Variants in POLR3A observed in about 807,000 individuals in gnomAD.
The protein encoded by POLR3A is DNA-directed RNA polymerase III subunit RPC1.
A neutral mutation model predicts 152.8 loss-of-function variants in POLR3A; 112 were observed. The observed-to-expected ratio is 0.73, with a 90% CI of 0.63 to 0.86. The LOEUF is 0.86. Ranked by LOEUF, POLR3A falls within the 40% of genes least tolerant of loss-of-function variation. The pLI is 0.00. For missense variants in POLR3A, 1,385 were observed against 1,743.1 expected, an observed-to-expected ratio of 0.79 and a Z score of 3.66; for synonymous variants, 615 against 652.1, an observed-to-expected ratio of 0.94 and a Z score of 0.87.
chr10:77,982,719 G>A lies in POLR3A; in HGVS notation c.3528C>T (p.Thr1176=), dbSNP rs1290262331. ...AVHGEAVVCV[T]PRENSKSSMY... is the part of the protein sequence containing the mutation. ...TGGAGCTCTTGCTGTTCTCTCTGGG[G>A]GTGACACACACCACAGCCTCACCAT... The change falls in exon 27 of 31, where the codon ACC becomes ACT. Residue 1176 remains threonine (T), a synonymous_variant. Transcript: ENST00000372371. 7 of 1,613,806 alleles carry A rather than the reference G, an allele frequency of 4.3e-6. No individual in the cohort carries two copies. The highest frequency in any genetic ancestry group is 3.3e-5 in the South Asian group (3 of 91,062).
intron 12 of POLR3A, 26 bp downstream of exon 12, chr10:78,010,445 C>T: frequency 1.3e-6 from 2 of 1,554,586 alleles, no homozygotes; most frequent in Non-Finnish European, 1.8e-6. Flanking sequence ...CAGAAATCTC[C>T]TTTCAAGTGA....
chr10:77,993,447 A>G (rs1847269220), intron 19 of POLR3A, 80 bp from the exon 20 acceptor site: 1 of 1,050,020 alleles, frequency 9.5e-7, no homozygotes, highest in Non-Finnish European at 1.5e-6. Flanking sequence ...GCAACTCAAG[A>G]GTCTCAAGGT....
intron 19 of POLR3A, among the ~76,000 whole-genome samples, chr10:77,996,599 A>G (rs1248754487): frequency 6.6e-6 from 1 of 152,066 alleles, no homozygotes; most frequent in African/African-American, 2.4e-5. Flanking sequence ...ACATCCTCCC[A>G]AGACTAAACC....
At chr10:78,009,152 CAAAAAAAAAAAAAA>C (rs59670962) in intron 14 of POLR3A, among the ~76,000 whole-genome samples, 2 of 33,000 alleles carry the variant, frequency 6.1e-5, no homozygotes, top group South Asian at 2.4e-3. Context: ...GACTTAGTCT[CAAAAAAAAAAAAAA>C]AAAAAAAAAA....
rs1222712348 is a variant in POLR3A, at chr10:77,978,442, C to T, written c.4025-816G>A. Among the ~76,000 whole-genome samples the T allele has an allele frequency of 5.9e-5, 9 of 152,126 alleles. No homozygotes were observed. In the East Asian group the frequency reaches 1.7e-3, roughly 29 times the overall value. ...TTGGGGGTGGGGTGGCAGTGCCAGG[C>T]AGTCAAGGAGACTGGTGGTGGAGAA... On this transcript the variant is annotated intron_variant, in intron 30 of 30. Transcript: ENST00000372371.
At chr10:78,019,995 GA>G (rs1244921443) in intron 8 of POLR3A, 1 of 152,000 alleles carries the variant, frequency 6.6e-6, no homozygotes, top group Non-Finnish European at 1.5e-5. Context: ...CCAACGTGGT[GA>G]AACCCCGTCC....
Position 77,977,347 on chromosome 10 carries a change from G to A in POLR3A, c.*131C>T, listed in dbSNP as rs1847098842. 5.5e-6 allele frequency: 5 copies of A among 913,744 alleles called. No homozygotes were observed. The African/African-American group carries it at 6.5e-5, about 12-fold the overall frequency. The allele number at this position is 913,744 out of a possible 1,614,324, so 56.6% of individuals were successfully genotyped here. A position where few individuals can be genotyped will look rare whatever the true frequency, so the allele number is the denominator to read the frequency against. On this transcript the variant is annotated 3_prime_UTR_variant, in exon 31 of 31. Coordinates refer to ENST00000372371, the MANE Select transcript of POLR3A (RefSeq NM_007055.4). ...GAGAAGCTGCTCCTGGGGATGCCAA[G>A]AGGGCTTCTCTGATTGCTGGCATAG...
intron 5 of POLR3A, 27 bp downstream of exon 5, chr10:78,024,500 GAGGCAGGCGGGAGGCAGGCGGA>G: frequency 1.9e-6 from 3 of 1,601,652 alleles, no homozygotes; most frequent in South Asian, 2.2e-5. Context: ...ACGTGCGGAA[GAGGCAGGCGGGAGGCAGGCGGA>G]AGGCAGGCGT....
At position 77,976,559 on chromosome 10, in the gene POLR3A, TG is replaced by T. The variant is rs1450206397; in HGVS notation, c.*918del. 2.0e-5 allele frequency: 3 copies of T among 152,198 alleles called. No individual in the cohort carries two copies. Among genetic ancestry groups the T allele is most frequent in the African/African-American group, 7.2e-5 (3 of 41,432 alleles). 9.4% of individuals were successfully genotyped at this position (152,198 alleles called of 1,614,324 possible). ...ATTCTAACACAGATCCAAGAACCAA[TG>T]GCTACCCCGGGTACCTTAACAGCAT... On this transcript the variant is annotated 3_prime_UTR_variant, in exon 31 of 31. Transcript: ENST00000372371.
chr10:77,977,740 C>A, intron 30 of POLR3A, 114 bp from the exon 31 acceptor site: 1 of 865,872 alleles, frequency 1.2e-6, no homozygotes, highest in Non-Finnish European at 2.0e-6. Flanking sequence ...CAGCGCCACT[C>A]CACATCAACT....
In POLR3A at chr10:78,000,467, C is replaced by T. The variant is rs138061705; in HGVS notation, c.2479-349G>A. Among the ~76,000 whole-genome samples, 788 of 152,320 alleles carry T rather than the reference C, an allele frequency of 5.2e-3. 4 individuals carry two copies. Among genetic ancestry groups the T allele is most frequent in the African/African-American group, 0.018 (750 of 41,574 alleles). Reference sequence around the variant, plus strand: ...TGCCTGCCCATTCCCTGGGAAATGACACCTTCAAGATATCCTTCCTGTGGG... The same window carrying T: ...TGCCTGCCCATTCCCTGGGAAATGATACCTTCAAGATATCCTTCCTGTGGG... On this transcript the variant is annotated intron_variant, in intron 18 of 30. Transcript: ENST00000372371.
At chr10:78,023,886 C>T (rs1049895893) in intron 5 of POLR3A, among the ~76,000 whole-genome samples, 35 of 151,806 alleles carry the variant, frequency 2.3e-4, no homozygotes, top group Non-Finnish European at 4.7e-4. Flanking sequence ...GCCTGTAATC[C>T]CAGCACTTTG....
At chr10:77,979,934 C>A (rs1847124187) in intron 30 of POLR3A, among the ~76,000 whole-genome samples, 1 of 152,184 alleles carries the variant, frequency 6.6e-6, no homozygotes, top group African/African-American at 2.4e-5. Context: ...GGGAAGTCAT[C>A]CAACAGATGT....
Position 77,985,186 on chromosome 10 carries a change from C to T in POLR3A, c.3226G>A (p.Ala1076Thr), listed in dbSNP as rs1423016775. The T allele has an allele frequency of 2.5e-6, 4 of 1,613,988 alleles. No homozygotes were observed. The highest frequency in any genetic ancestry group is 1.1e-5 in the South Asian group (1 of 91,070). The change falls in exon 24 of 31, where the codon GCT (alanine) becomes ACT (threonine). Residue 1076 changes from alanine (A) to threonine (T), a missense_variant. Coordinates refer to ENST00000372371, the MANE Select transcript of POLR3A (RefSeq NM_007055.4). Reference sequence around the variant, plus strand: ...AGCAGGCACCTGATGGCCTTGGAAGCGTTGATGATCTCTTTAATCCGGGGC... The same window carrying T: ...AGCAGGCACCTGATGGCCTTGGAAGTGTTGATGATCTCTTTAATCCGGGGC... ...GVPRIKEIIN[A>T]SKAISTPIIT...
intron 3 of POLR3A, 115 bp from the exon 4 acceptor site, chr10:78,025,257 T>C (rs1034833768): frequency 2.2e-5 from 24 of 1,078,506 alleles, no homozygotes; most frequent in Non-Finnish European, 2.7e-5. Flanking sequence ...TATACACAGA[T>C]CTGCAAATGG....
At chr10:77,993,840 T>A (rs949035782) in intron 19 of POLR3A, among the ~76,000 whole-genome samples, 2 of 152,158 alleles carry the variant, frequency 1.3e-5, no homozygotes, top group East Asian at 3.9e-4. Context: ...GACAGTATTG[T>A]GTCTGAACCA....
intron 1 of POLR3A, among the ~76,000 whole-genome samples, chr10:78,028,111 C>T (rs1019480112): frequency 1.3e-5 from 2 of 152,170 alleles, no homozygotes; most frequent in Non-Finnish European, 2.9e-5. Context: ...GGTCTCTCGA[C>T]CTCTAATTCT....
At chr10:78,021,271 T>C (rs1269599164) in intron 8 of POLR3A, among the ~76,000 whole-genome samples, 6 of 152,162 alleles carry the variant, frequency 3.9e-5, no homozygotes, top group Admixed American at 3.3e-4. Flanking sequence ...TCGGTCAAGA[T>C]GTTATTAATT....
Position 78,026,172 on chromosome 10 carries a change from G to GA in POLR3A, c.101dup (p.Gln35ProfsTer5), listed in dbSNP as rs773299253. Reference sequence around the variant, plus strand: ...TGTACAGGTTCTTACTCACAACTTGGATGTGCGCCTGCTGGCGCATCTCCT... The same window carrying GA: ...TGTACAGGTTCTTACTCACAACTTGGAATGTGCGCCTGCTGGCGCATCTCCT... On this transcript the variant is annotated frameshift_variant, in exon 2 of 31. Transcript: ENST00000372371. LOFTEE classifies it high-confidence loss of function. 1 of 1,614,196 alleles carries GA rather than the reference G, an allele frequency of 6.2e-7. No homozygotes were observed. The highest frequency in any genetic ancestry group is 8.5e-7 in the Non-Finnish European group (1 of 1,180,016).
Sources: gnomAD v4.1 joint callset for allele counts (sites outside exome capture counted in the v4.1 genomes callset) on GRCh38, gnomAD v4.1.1 for gene constraint, MANE v1.5 for transcripts, NCBI Gene and HGNC (gene_info 2026-07-23, HGNC 2026-07-21) for gene names.